The following WWOX variants were observed in gnomAD, a reference collection of about 807,000 sequenced individuals.
WWOX encodes WW domain-containing oxidoreductase.
In WWOX, 69 loss-of-function variants were observed where a neutral mutation model predicts 46.2. The ratio of observed to expected loss-of-function variants is 1.49; its 90% confidence interval spans 1.23 to 1.82. WWOX has a LOEUF of 1.82. Among genes scored for constraint, WWOX ranks in the 40% most tolerant of loss-of-function variants. The pLI is 0.00. For synonymous variants in WWOX, 359 were observed against 202.6 expected (o/e 1.77, Z -6.56); for missense variants, 919 against 542.6 (o/e 1.69, Z -6.89).
intron 8 of WWOX, among the ~76,000 whole-genome samples, chr16:78,787,603 G>A (rs1048080398): frequency 7.2e-5 from 11 of 152,126 alleles, no homozygotes; most frequent in African/African-American, 2.2e-4. Flanking sequence ...TGGCTGTTAC[G>A]AATTATGCTG....
At chr16:78,580,213 A>G (rs2045014044) in intron 8 of WWOX, among the ~76,000 whole-genome samples, 1 of 151,848 alleles carries the variant, frequency 6.6e-6, no homozygotes, top group Non-Finnish European at 1.5e-5. Flanking sequence ...AGGTGGGACT[A>G]TAGGTGTGTG....
chr16:78,518,889 C>A (rs1277827379), intron 8 of WWOX, among the ~76,000 whole-genome samples: 1 of 152,138 alleles, frequency 6.6e-6, no homozygotes, highest in Non-Finnish European at 1.5e-5. Context: ...CACATGTGTT[C>A]TTTGGTACTC....
intron 3 of WWOX, 123 bp from the exon 4 acceptor site, chr16:78,114,853 C>G: frequency 8.0e-7 from 1 of 1,247,326 alleles, no homozygotes; most frequent in South Asian, 1.4e-5. Context: ...CCAGTTCTTT[C>G]AGGTTTAAGG....
chr16:78,865,409 A>C (rs1226350850), intron 8 of WWOX, among the ~76,000 whole-genome samples: 1 of 152,030 alleles, frequency 6.6e-6, no homozygotes, highest in Non-Finnish European at 1.5e-5. Context: ...AAATCTTTAC[A>C]CTCCAGTGGA....
At chr16:78,183,104 G>T (rs535980608) in intron 5 of WWOX, among the ~76,000 whole-genome samples, 32 of 152,210 alleles carry the variant, frequency 2.1e-4, no homozygotes, top group African/African-American at 5.5e-4. Context: ...TAGTCAACAA[G>T]CATGTTTTGA....
chr16:78,211,610 T>C (rs1320254671), intron 5 of WWOX, among the ~76,000 whole-genome samples: 2 of 152,244 alleles, frequency 1.3e-5, no homozygotes, highest in East Asian at 1.9e-4. Flanking sequence ...CTTGGAAATA[T>C]AGAAAAAAGA....
intron 5 of WWOX, among the ~76,000 whole-genome samples, chr16:78,319,105 G>T (rs2080413505): frequency 1.3e-5 from 2 of 152,102 alleles, no homozygotes; most frequent in Admixed American, 1.3e-4. Flanking sequence ...AGAGTCGGAT[G>T]AGTCAGGCAG....
chr16:78,650,742 G>C (rs72794711), intron 8 of WWOX, among the ~76,000 whole-genome samples: 7,418 of 152,278 alleles, frequency 0.049, 261 homozygotes, highest in Non-Finnish European at 0.074. Context: ...CGTGGTGAAA[G>C]GTTATGGAAT....
chr16:79,120,958 G>A (rs1489160632), intron 8 of WWOX, among the ~76,000 whole-genome samples: 1 of 152,016 alleles, frequency 6.6e-6, no homozygotes, highest in African/African-American at 2.4e-5. Flanking sequence ...TAGTAGAGAC[G>A]AGGTTTCACC....
intron 6 of WWOX, among the ~76,000 whole-genome samples, chr16:78,421,844 C>T (rs533963379): frequency 1.8e-4 from 27 of 152,072 alleles, no homozygotes; most frequent in African/African-American, 6.5e-4. Context: ...TTTTTGCTGC[C>T]CCTGCTACAT....
At chr16:78,829,725 A>G (rs568282159) in intron 8 of WWOX, among the ~76,000 whole-genome samples, 2 of 152,094 alleles carry the variant, frequency 1.3e-5, no homozygotes, top group African/African-American at 2.4e-5. Context: ...ATCTTCCCCA[A>G]CCTAAGGAAA....
rs535295004 is a variant in WWOX at position 78,438,323 on chromosome 16, T to C, written c.1056+5571T>C. 1.0e-3 allele frequency among the ~76,000 whole-genome samples: 159 copies of C among 152,324 alleles called. 2 individuals carry two copies. Among genetic ancestry groups the C allele is most frequent in the South Asian group, 5.4e-3 (26 of 4,818 alleles). On this transcript the variant is annotated intron_variant, in intron 8 of 8. Coordinates refer to ENST00000566780, the MANE Select transcript of WWOX (RefSeq NM_016373.4). ...AGCCTTGTAAACTTTCACTTGCTAA[T>C]TGCAGCTGCATTTGCTTTGTCCAAT... is the stretch of plus-strand genomic sequence containing the variant.
At chr16:79,075,560 T>A (rs1320315218) in intron 8 of WWOX, among the ~76,000 whole-genome samples, 2 of 152,264 alleles carry the variant, frequency 1.3e-5, no homozygotes, top group East Asian at 3.9e-4. Context: ...TCTTTTTTTT[T>A]TTCTTTTGTT....
chr16:78,598,444 C>A (rs928500334), intron 8 of WWOX, among the ~76,000 whole-genome samples: 1 of 152,136 alleles, frequency 6.6e-6, no homozygotes, highest in East Asian at 1.9e-4. Context: ...CTCTTTCCCC[C>A]CGCCCTGGCC....
intron 8 of WWOX, among the ~76,000 whole-genome samples, chr16:78,924,565 G>C (rs571665080): frequency 6.6e-6 from 1 of 152,258 alleles, no homozygotes; most frequent in Non-Finnish European, 1.5e-5. Flanking sequence ...TCCTTCCACT[G>C]TTGTTAGGAG....
Position 78,405,047 on chromosome 16 carries a change from A to G in WWOX, c.605+18099A>G, listed in dbSNP as rs148252033. On this transcript the variant is annotated intron_variant, in intron 6 of 8. Coordinates refer to ENST00000566780, the MANE Select transcript of WWOX (RefSeq NM_016373.4). ...TTACATTTCCCCCTATTTACAATCA[A>G]TGAGATTGAGATTTTGTTGCTGGGA... 8.6e-3 allele frequency among the ~76,000 whole-genome samples: 1,311 copies of G among 152,296 alleles called. 15 individuals are homozygous for G. The highest frequency in any genetic ancestry group is 0.017 in the South Asian group (82 of 4,822).
intron 8 of WWOX, among the ~76,000 whole-genome samples, chr16:78,539,212 T>C (rs372443725): frequency 6.6e-6 from 1 of 152,350 alleles, no homozygotes; most frequent in Non-Finnish European, 1.5e-5. Flanking sequence ...TAAATATGTG[T>C]TCAACTGAAC....
At chr16:78,670,890 A>C (rs1012432106) in intron 8 of WWOX, among the ~76,000 whole-genome samples, 1 of 152,040 alleles carries the variant, frequency 6.6e-6, no homozygotes, top group East Asian at 1.9e-4. Context: ...GGTGGGCCCT[A>C]CATCCAATAA....
intron 8 of WWOX, among the ~76,000 whole-genome samples, chr16:79,191,255 C>T (rs972146854): frequency 1.3e-4 from 20 of 151,962 alleles, no homozygotes; most frequent in African/African-American, 3.1e-4. Flanking sequence ...AGGGTTTCAC[C>T]GTGTTGCCCA....
Sources: allele counts gnomAD v4.1 joint callset (sites outside exome capture counted in the v4.1 genomes callset), GRCh38; gene constraint gnomAD v4.1.1; transcripts MANE v1.5; gene names NCBI Gene and HGNC (gene_info 2026-07-23, HGNC 2026-07-21).